Variants in MAGI1 observed in about 807,000 individuals in gnomAD.
The protein encoded by MAGI1 is membrane-associated guanylate kinase, WW and PDZ domain-containing protein 1.
In MAGI1, 58 loss-of-function variants were observed where a neutral mutation model predicts 139.9. That is an observed-to-expected ratio of 0.41 (90% confidence interval 0.34 to 0.52). The LOEUF (loss-of-function observed/expected upper bound fraction) is 0.52, where lower values mean the gene tolerates loss of function less well. Ranked by LOEUF, MAGI1 falls within the 20% of genes least tolerant of loss-of-function variation. The probability of loss-of-function intolerance (pLI) is 0.12; values close to 1 mark genes in which losing one functional copy is unlikely to be tolerated. For synonymous variants in MAGI1, 812 were observed against 737.9 expected, an observed-to-expected ratio of 1.10 and a Z score of -1.63; for missense variants, 1,874 against 1,901.6, an observed-to-expected ratio of 0.99 and a Z score of 0.27.
intron 1 of MAGI1, among the ~76,000 whole-genome samples, chr3:65,810,313 CCTCT>C (rs537889354): frequency 1.3e-5 from 2 of 152,220 alleles, no homozygotes; most frequent in African/African-American, 4.8e-5. Flanking sequence ...TAGCAGAAGG[CCTCT>C]CTCTTTTATC....
intron 2 of MAGI1, among the ~76,000 whole-genome samples, chr3:65,584,264 G>C (rs1212307568): frequency 3.9e-5 from 6 of 152,134 alleles, no homozygotes; most frequent in African/African-American, 1.4e-4. Context: ...GCTGGAATTG[G>C]TGAGGCTCTG....
intron 10 of MAGI1, among the ~76,000 whole-genome samples, chr3:65,433,962 C>G (rs1023366115): frequency 6.6e-6 from 1 of 152,082 alleles, no homozygotes; most frequent in African/African-American, 2.4e-5. Context: ...GCTAGTGAGA[C>G]AGAAAAACTT....
intron 13 of MAGI1, among the ~76,000 whole-genome samples, chr3:65,393,153 T>C (rs1041034311): frequency 6.6e-6 from 1 of 152,160 alleles, no homozygotes; most frequent in Non-Finnish European, 1.5e-5. Context: ...CTTCAACAGT[T>C]TCTCCTCCAA....
chr3:65,451,801 C>T (rs575269242), intron 6 of MAGI1, among the ~76,000 whole-genome samples: 29 of 152,232 alleles, frequency 1.9e-4, no homozygotes, highest in African/African-American at 5.8e-4. Context: ...CATGCCAACA[C>T]GCCTAGCTAA....
chr3:65,433,528 C>G (rs1947613869), intron 10 of MAGI1, among the ~76,000 whole-genome samples: 1 of 152,020 alleles, frequency 6.6e-6, no homozygotes, highest in Admixed American at 6.6e-5. Context: ...GAAAGAAACG[C>G]TTTTCACCCC....
At chr3:65,407,442 G>A (rs1037894580) in intron 12 of MAGI1, among the ~76,000 whole-genome samples, 7 of 130,748 alleles carry the variant, frequency 5.4e-5, no homozygotes, top group African/African-American at 1.1e-4. Context: ...GTGAGACTCC[G>A]TCTCAAAAAA....
intron 1 of MAGI1, among the ~76,000 whole-genome samples, chr3:65,896,850 A>G (rs1300691394): frequency 6.6e-6 from 1 of 152,216 alleles, no homozygotes; most frequent in Non-Finnish European, 1.5e-5. Flanking sequence ...ATATTCAAGT[A>G]ACAAAATGTA....
chr3:65,547,609 T>C (rs1394175902), intron 2 of MAGI1, among the ~76,000 whole-genome samples: 2 of 152,162 alleles, frequency 1.3e-5, no homozygotes, highest in Non-Finnish European at 2.9e-5. Context: ...GCAGGAGCTC[T>C]GGAGGGCTAC....
intron 1 of MAGI1, among the ~76,000 whole-genome samples, chr3:65,789,025 T>G (rs185980534): frequency 3.3e-5 from 5 of 151,940 alleles, no homozygotes; most frequent in Non-Finnish European, 2.9e-5. Flanking sequence ...AAAAAAAATG[T>G]AAAACATTAG....
chr3:65,813,396 G>C (rs2041406337), intron 1 of MAGI1, among the ~76,000 whole-genome samples: 1 of 151,936 alleles, frequency 6.6e-6, no homozygotes, highest in Non-Finnish European at 1.5e-5. Context: ...GGAAAAGGAA[G>C]AAAACAAGGA....
intron 12 of MAGI1, among the ~76,000 whole-genome samples, chr3:65,419,998 G>A (rs28662032): frequency 0.35 from 53,316 of 151,840 alleles, 11,573 homozygotes; most frequent in African/African-American, 0.62. Context: ...CCCCACTGCC[G>A]TGATCCTCTG....
chr3:65,819,737 C>T lies in MAGI1; in HGVS notation c.314-197649G>A, dbSNP rs553230152. 8.4e-4 allele frequency among the ~76,000 whole-genome samples: 126 copies of T among 150,682 alleles called. 1 individual carries two copies. The highest frequency in any genetic ancestry group is 1.2e-3 in the Non-Finnish European group (78 of 67,628). The stretch of plus-strand genomic sequence containing the variant: ...ACTAAAAATACAAAAATTAGCTGGG[C>T]GTGGTGGTGCATGTCTGTAGTCCCA... On this transcript the variant is annotated intron_variant, in intron 1 of 22. Coordinates refer to ENST00000402939, the MANE Select transcript of MAGI1 (RefSeq NM_001033057.2).
chr3:65,646,413 G>T lies in MAGI1; in HGVS notation c.314-24325C>A, dbSNP rs900825558. 5.4e-4 allele frequency among the ~76,000 whole-genome samples: 82 copies of T among 151,980 alleles called. 1 individual carries two copies. Among genetic ancestry groups the T allele is most frequent in the South Asian group, 2.1e-4 (1 of 4,810 alleles). On this transcript the variant is annotated intron_variant, in intron 1 of 22. Coordinates refer to ENST00000402939, the MANE Select transcript of MAGI1 (RefSeq NM_001033057.2). ...AAAATACATAATGCAATAACTGATA[G>T]AACAGAAAAGAGAAAGGAACAAATC...
intron 1 of MAGI1, among the ~76,000 whole-genome samples, chr3:65,990,170 G>A (rs1418770336): frequency 6.6e-6 from 1 of 152,142 alleles, no homozygotes; most frequent in Non-Finnish European, 1.5e-5. Context: ...ACGTGAGGCA[G>A]GGGAGGGAAA....
chr3:65,860,786 G>A (rs1195395749), intron 1 of MAGI1, among the ~76,000 whole-genome samples: 1 of 152,158 alleles, frequency 6.6e-6, no homozygotes. Context: ...AAGGCAGATT[G>A]TCCTTCAGAG....
chr3:65,386,046 A>C (rs1943421735), intron 14 of MAGI1, among the ~76,000 whole-genome samples: 1 of 152,252 alleles, frequency 6.6e-6, no homozygotes, highest in Middle Eastern at 3.4e-3. Context: ...TTTTCTGGGA[A>C]CAACGAAAGG....
intron 2 of MAGI1, among the ~76,000 whole-genome samples, chr3:65,593,152 T>A (rs2082041033): frequency 1.4e-5 from 2 of 141,708 alleles, no homozygotes. Context: ...TAAAAAGGAG[T>A]TTAAATGTTT....
intron 1 of MAGI1, among the ~76,000 whole-genome samples, chr3:65,928,143 C>T (rs991412627): frequency 4.6e-5 from 7 of 152,282 alleles, no homozygotes; most frequent in Admixed American, 2.0e-4. Context: ...GCAGTGTTCA[C>T]TGATGCACCC....
intron 1 of MAGI1, among the ~76,000 whole-genome samples, chr3:65,673,281 G>A (rs1295692213): frequency 6.6e-6 from 1 of 152,138 alleles, no homozygotes; most frequent in African/African-American, 2.4e-5. Flanking sequence ...ATGATCTGGA[G>A]GTGAAGCCTA....
Sources: gnomAD v4.1 joint callset for allele counts (sites outside exome capture counted in the v4.1 genomes callset) on GRCh38, gnomAD v4.1.1 for gene constraint, MANE v1.5 for transcripts, NCBI Gene and HGNC (gene_info 2026-07-23, HGNC 2026-07-21) for gene names.